Variants in DOCK8 observed in about 807,000 individuals in gnomAD.
DOCK8 encodes dedicator of cytokinesis 8, also known as dedicator of cytokinesis protein 8.
Under a neutral mutation model 245.6 loss-of-function variants are expected in DOCK8, and 141 were observed. That is an observed-to-expected ratio of 0.57 (90% CI 0.50 to 0.66). The LOEUF is 0.66. DOCK8 is among the 30% of genes least tolerant of loss of function. The probability of loss-of-function intolerance (pLI) is 0.00; values close to 1 mark genes in which losing one functional copy is unlikely to be tolerated. For missense variants in DOCK8, 2,965 were observed against 2,603.4 expected, an observed-to-expected ratio of 1.14 and a Z score of -3.02; for synonymous variants, 1,168 against 970.2, an observed-to-expected ratio of 1.20 and a Z score of -3.79.
At chr9:313,533 A>G (rs1393044620) in intron 6 of DOCK8, among the ~76,000 whole-genome samples, 1 of 152,240 alleles carries the variant, frequency 6.6e-6, no homozygotes, top group Non-Finnish European at 1.5e-5. Flanking sequence ...AAAATAAATT[A>G]TCTCACTTAT....
chr9:216,611 A>G (rs924920382), intron 1 of DOCK8, among the ~76,000 whole-genome samples: 16 of 149,604 alleles, frequency 1.1e-4, no homozygotes, highest in South Asian at 4.2e-4. Context: ...TTTTTTCTAC[A>G]TTAAGGTTCA....
intron 21 of DOCK8, among the ~76,000 whole-genome samples, chr9:381,680 G>C (rs995051324): frequency 6.6e-6 from 1 of 152,156 alleles, no homozygotes; most frequent in Non-Finnish European, 1.5e-5. Flanking sequence ...ATGTGGCTGG[G>C]TGCGGTGGTT....
rs1451225581 is a variant in DOCK8, at chr9:372,219, C to G, written c.2042C>G (p.Thr681Ser). The G allele has an allele frequency of 6.2e-7, 1 of 1,614,036 alleles. No homozygotes were observed. Among genetic ancestry groups the G allele is most frequent in the Non-Finnish European group, 8.5e-7 (1 of 1,180,036 alleles). ...ATTCTCTTAAATGAACGTCTTCAAACTGGATCCTACTGTCTCCCAGTTGCC... is the reference window on the plus strand; with the variant it reads ...ATTCTCTTAAATGAACGTCTTCAAAGTGGATCCTACTGTCTCCCAGTTGCC... ...LPILLNERLQ[T>S]GSYCLPVALE... Residue 681 changes from threonine to serine, a missense_variant, in exon 18 of 48, where the codon ACT (threonine) becomes AGT (serine). Thr to Ser is a moderately conservative substitution (Grantham distance 58). Coordinates refer to ENST00000432829, the MANE Select transcript of DOCK8 (RefSeq NM_203447.4).
intron 20 of DOCK8, among the ~76,000 whole-genome samples, chr9:377,818 A>G (rs774056830): frequency 5.9e-5 from 9 of 152,216 alleles, no homozygotes; most frequent in African/African-American, 9.6e-5. Flanking sequence ...TTAAATGCTT[A>G]CTTTTAACAA....
chr9:363,958 C>T (rs1239092620), intron 14 of DOCK8, among the ~76,000 whole-genome samples: 1 of 152,196 alleles, frequency 6.6e-6, no homozygotes, highest in Non-Finnish European at 1.5e-5. Flanking sequence ...CCAGCTACTT[C>T]AAAGCACCTT....
At chr9:416,010 T>A (rs1382585421) in intron 29 of DOCK8, among the ~76,000 whole-genome samples, 2 of 152,172 alleles carry the variant, frequency 1.3e-5, no homozygotes, top group Non-Finnish European at 2.9e-5. Context: ...AATCATAAAA[T>A]GAAAAGCAAG....
chr9:214,651 C>A, upstream of DOCK8: 1 of 1,609,108 alleles, frequency 6.2e-7, no homozygotes, highest in Non-Finnish European at 8.5e-7. Context: ...CGCCCGCGCT[C>A]CCTTCGGCCG....
intron 4 of DOCK8, 134 bp from the exon 5 acceptor site, chr9:304,447 T>A (rs2049714303): frequency 8.5e-7 from 1 of 1,176,468 alleles, no homozygotes; most frequent in Non-Finnish European, 1.2e-6. Flanking sequence ...ATGTGAGGAA[T>A]TATAATTGGT....
chr9:314,616 GT>G (rs1402739915), intron 6 of DOCK8: 1 of 152,188 alleles, frequency 6.6e-6, no homozygotes. Flanking sequence ...GCAGTTATTT[GT>G]AAACTGGCGT....
At chr9:403,910 A>G (rs1287086878) in intron 26 of DOCK8, among the ~76,000 whole-genome samples, 3 of 89,742 alleles carry the variant, frequency 3.3e-5, no homozygotes, top group African/African-American at 1.5e-4. Flanking sequence ...ATATATATAT[A>G]TATATACATA....
intron 2 of DOCK8, among the ~76,000 whole-genome samples, chr9:279,897 A>T (rs1434499072): frequency 6.6e-6 from 1 of 152,234 alleles, no homozygotes; most frequent in African/African-American, 2.4e-5. Context: ...GTGACTGCAC[A>T]TGTGACTTGG....
chr9:313,967 A>G (rs775466010), intron 6 of DOCK8, among the ~76,000 whole-genome samples: 21 of 152,360 alleles, frequency 1.4e-4, no homozygotes, highest in Admixed American at 2.6e-4. Context: ...AGTATGAATA[A>G]TGTGAGCAAT....
At chr9:417,598 T>C (rs964457419) in intron 29 of DOCK8, among the ~76,000 whole-genome samples, 1 of 152,206 alleles carries the variant, frequency 6.6e-6, no homozygotes, top group African/African-American at 2.4e-5. Context: ...TCTATAAATA[T>C]GGGTATGTCT....
chr9:409,907 G>A (rs1025158832), intron 28 of DOCK8, among the ~76,000 whole-genome samples: 75 of 152,132 alleles, frequency 4.9e-4, no homozygotes, highest in Non-Finnish European at 8.4e-4. Flanking sequence ...AGTATTCCAT[G>A]GTGTATATGT....
chr9:269,695 A>G (rs1031091445), intron 1 of DOCK8, among the ~76,000 whole-genome samples: 2 of 151,588 alleles, frequency 1.3e-5, no homozygotes, highest in African/African-American at 4.9e-5. Context: ...AGCTGGGATT[A>G]CAGGCACACG....
At chr9:377,636 T>C (rs2053573546) in intron 20 of DOCK8, among the ~76,000 whole-genome samples, 1 of 152,236 alleles carries the variant, frequency 6.6e-6, no homozygotes, top group South Asian at 2.1e-4. Context: ...AGTTAAAACA[T>C]AAACTCACTA....
chr9:382,578 G>A lies in DOCK8; in HGVS notation c.2671G>A (p.Val891Met), dbSNP rs902287424. 3 of 1,614,174 alleles carry A rather than the reference G, an allele frequency of 1.9e-6. No homozygotes were observed. Among genetic ancestry groups the A allele is most frequent in the African/African-American group, 2.7e-5 (2 of 75,036 alleles). ...GTATGGCCGCACATCAGCTGCTGCT[G>A]TGAGTTCAAAGCTGCTGCAGGCCCG... ...HTYGRTSAAAVSSKLLQARVM... is the reference protein window; with the variant it reads ...HTYGRTSAAAMSSKLLQARVM... The change falls in exon 22 of 48, where the codon GTG becomes ATG. Residue 891 changes from valine to methionine, a missense_variant. Physicochemically the swap from Val to Met is conservative, Grantham distance 21. This residue lies in a region of DOCK8 where 2,825 missense variants were observed against 2,453.5 expected (regional missense o/e 1.15). Coordinates refer to ENST00000432829, the MANE Select transcript of DOCK8 (RefSeq NM_203447.4).
At chr9:283,412 G>C (rs1054168500) in intron 2 of DOCK8, among the ~76,000 whole-genome samples, 1 of 152,014 alleles carries the variant, frequency 6.6e-6, no homozygotes, top group Non-Finnish European at 1.5e-5. Flanking sequence ...TTTTTTATTT[G>C]TATAAGTTTA....
upstream of DOCK8, chr9:214,421 T>A (rs1342057336): frequency 7.3e-7 from 1 of 1,373,242 alleles, no homozygotes; most frequent in Non-Finnish European, 1.0e-6. Context: ...AAAGTTGATT[T>A]GAATCCTGAT....
Sources: gnomAD v4.1 joint callset for allele counts (sites outside exome capture counted in the v4.1 genomes callset) on GRCh38, gnomAD v4.1.1 for gene constraint, gnomAD v4.1.1 regional missense constraint, MANE v1.5 for transcripts, NCBI Gene and HGNC (gene_info 2026-07-23, HGNC 2026-07-21) for gene names.